Variants in MECOM observed in about 807,000 individuals in gnomAD.
The protein encoded by MECOM is histone-lysine N-methyltransferase MECOM.
In MECOM, 13 loss-of-function variants were observed where a neutral mutation model predicts 116.3. The observed-to-expected ratio is 0.11, with a 90% CI of 0.07 to 0.18. The LOEUF (loss-of-function observed/expected upper bound fraction) is 0.18. MECOM is among the 10% of genes least tolerant of loss of function. The pLI, the probability that MECOM is intolerant of heterozygous loss-of-function variation, is 1.00. For missense variants in MECOM, 1,299 were observed against 1,509.0 expected (o/e 0.86, Z 2.31); for synonymous variants, 528 against 535.2 (o/e 0.99, Z 0.19).
chr3:169,504,996 G>A (rs1163492127), intron 1 of MECOM, among the ~76,000 whole-genome samples: 1 of 152,148 alleles, frequency 6.6e-6, no homozygotes, highest in Non-Finnish European at 1.5e-5. Context: ...CCACCAAAAG[G>A]TAGGGGCATG....
intron 4 of MECOM, among the ~76,000 whole-genome samples, chr3:169,128,341 G>A (rs1016101754): frequency 1.3e-5 from 2 of 152,004 alleles, no homozygotes; most frequent in Admixed American, 6.6e-5. Context: ...TAATAAATAC[G>A]ACTTACTGAG....
At chr3:169,541,487 CTTGCTTG>C (rs1284844847) in intron 1 of MECOM, among the ~76,000 whole-genome samples, 1 of 152,246 alleles carries the variant, frequency 6.6e-6, no homozygotes, top group Non-Finnish European at 1.5e-5. Context: ...ATTCACTAGC[CTTGCTTG>C]TTGCAGAAGC....
intron 1 of MECOM, among the ~76,000 whole-genome samples, chr3:169,637,705 T>C (rs1772988508): frequency 6.6e-6 from 1 of 152,254 alleles, no homozygotes; most frequent in South Asian, 2.1e-4. Context: ...ATGTGATCTT[T>C]AAGTTTTCAA....
chr3:169,658,466 G>C (rs1775806208), intron 1 of MECOM, among the ~76,000 whole-genome samples: 1 of 152,234 alleles, frequency 6.6e-6, no homozygotes, highest in East Asian at 1.9e-4. Flanking sequence ...GTGTGCACAC[G>C]CATGTGTGGG....
intron 1 of MECOM, among the ~76,000 whole-genome samples, chr3:169,605,257 A>C (rs1768378004): frequency 6.6e-6 from 1 of 152,200 alleles, no homozygotes; most frequent in African/African-American, 2.4e-5. Context: ...ACAAGTTTAG[A>C]TCCACCTCTG....
chr3:169,407,048 C>T (rs1736823299), intron 1 of MECOM, among the ~76,000 whole-genome samples: 1 of 151,818 alleles, frequency 6.6e-6, no homozygotes, highest in Admixed American at 6.6e-5. Context: ...AGGGTTTCAC[C>T]ATCTTGGCCA....
intron 2 of MECOM, among the ~76,000 whole-genome samples, chr3:169,285,005 G>A (rs1260501834): frequency 6.6e-6 from 1 of 152,106 alleles, no homozygotes; most frequent in African/African-American, 2.4e-5. Flanking sequence ...TGTGAAAGGA[G>A]GTTAGTCCCC....
intron 4 of MECOM, 74 bp from the exon 5 acceptor site, chr3:169,128,134 T>C: frequency 7.8e-7 from 1 of 1,280,282 alleles, no homozygotes; most frequent in Non-Finnish European, 1.1e-6. Flanking sequence ...CTTACCAAAT[T>C]TTACAAGACA....
intron 1 of MECOM, among the ~76,000 whole-genome samples, chr3:169,495,828 C>G (rs1006373964): frequency 2.6e-5 from 4 of 152,222 alleles, no homozygotes; most frequent in Non-Finnish European, 4.4e-5. Flanking sequence ...TGGCCGCTTA[C>G]TAGCTGAAAA....
chr3:169,366,442 G>A (rs370383266), intron 2 of MECOM, among the ~76,000 whole-genome samples: 24 of 151,746 alleles, frequency 1.6e-4, no homozygotes, highest in Admixed American at 4.6e-4. Flanking sequence ...GCTCCTACCC[G>A]TACAGTACAT....
At chr3:169,149,971 GTGTGTGTC>G (rs1312375170) in intron 2 of MECOM, among the ~76,000 whole-genome samples, 3,037 of 111,326 alleles carry the variant, frequency 0.027, 33 homozygotes, top group Non-Finnish European at 0.031. Context: ...GTGTGTGTGT[GTGTGTGTC>G]TGTCTGTCTG....
chr3:169,515,845 T>C (rs1264989075), intron 1 of MECOM, among the ~76,000 whole-genome samples: 5 of 152,226 alleles, frequency 3.3e-5, no homozygotes, highest in Non-Finnish European at 5.9e-5. Context: ...ACATTCAACA[T>C]GTATTAACAT....
At chr3:169,654,435 T>G (rs1775279459) in intron 1 of MECOM, among the ~76,000 whole-genome samples, 1 of 152,182 alleles carries the variant, frequency 6.6e-6, no homozygotes, top group Non-Finnish European at 1.5e-5. Context: ...TAAAAATCAG[T>G]TGGGTTCCTC....
intron 2 of MECOM, among the ~76,000 whole-genome samples, chr3:169,305,995 T>C (rs1717623841): frequency 2.0e-5 from 3 of 152,188 alleles, no homozygotes; most frequent in African/African-American, 7.2e-5. Flanking sequence ...ATTCTCTAGT[T>C]TGGTTAAAGA....
intron 1 of MECOM, among the ~76,000 whole-genome samples, chr3:169,544,987 TG>T (rs1760538516): frequency 1.3e-5 from 2 of 151,860 alleles, no homozygotes; most frequent in South Asian, 4.1e-4. Flanking sequence ...TGTATACCTA[TG>T]TAACAAACCT....
At chr3:169,633,254 C>T (rs996927937) in intron 1 of MECOM, among the ~76,000 whole-genome samples, 10 of 152,154 alleles carry the variant, frequency 6.6e-5, no homozygotes, top group African/African-American at 2.4e-4. Flanking sequence ...AGATGTTTTG[C>T]TCACTTCCAC....
At chr3:169,644,419 G>A (rs923645883) in intron 1 of MECOM, among the ~76,000 whole-genome samples, 1 of 151,952 alleles carries the variant, frequency 6.6e-6, no homozygotes, top group African/African-American at 2.4e-5. Context: ...ACCACGCCTG[G>A]CTAATTTTTG....
rs534904399 is a variant in MECOM at position 169,391,192 on chromosome 3, T to C, written c.38-9668A>G. Among the ~76,000 whole-genome samples the C allele has an allele frequency of 9.2e-5, 14 of 152,278 alleles. No homozygotes were observed. In the South Asian group the frequency reaches 2.7e-3, roughly 29 times the overall value. ...ACACTAACTTAACCACACTCTTGGT[T>C]TGATAAGAAGCAGAGAGTGCCCAAA... On this transcript the variant is annotated intron_variant, in intron 1 of 16. Transcript: ENST00000651503.
chr3:169,423,537 G>A (rs1190862041), intron 1 of MECOM, among the ~76,000 whole-genome samples: 2 of 151,962 alleles, frequency 1.3e-5, no homozygotes, highest in African/African-American at 4.8e-5. Context: ...TCCTTATTTT[G>A]GAAGAAGATA....
Sources: gnomAD v4.1 joint callset for allele counts (sites outside exome capture counted in the v4.1 genomes callset) on GRCh38, gnomAD v4.1.1 for gene constraint, MANE v1.5 for transcripts, NCBI Gene and HGNC (gene_info 2026-07-23, HGNC 2026-07-21) for gene names.